Variants in MIA3 observed in about 807,000 individuals in gnomAD.
MIA3 encodes transport and Golgi organization protein 1 homolog.
Under a neutral mutation model 192.4 loss-of-function variants are expected in MIA3, and 90 were observed. The observed-to-expected ratio is 0.47, with a 90% CI of 0.39 to 0.56. The LOEUF (loss-of-function observed/expected upper bound fraction) is 0.56. Ranked by LOEUF, MIA3 falls within the 20% of genes least tolerant of loss-of-function variation. MIA3 has a pLI of 0.00. For missense variants in MIA3, 2,123 were observed against 2,269.4 expected, an observed-to-expected ratio of 0.94 and a Z score of 1.31; for synonymous variants, 740 against 792.8, an observed-to-expected ratio of 0.93 and a Z score of 1.12.
intron 4 of MIA3, among the ~76,000 whole-genome samples, 159 bp downstream of exon 4, chr1:222,630,548 T>G (rs2124849406): frequency 6.6e-6 from 1 of 152,354 alleles, no homozygotes; most frequent in African/African-American, 2.4e-5. Context: ...ATCTTTCTTT[T>G]AGGCTGGAGC....
chr1:222,660,020 C>T lies in MIA3; in HGVS notation c.4975+14C>T, dbSNP rs139761529. ...CTCCACGGAGAGGTAAGGGAGCTAC[C>T]TTGTAAAGGGCAACAATCTGTTTTT... On this transcript the variant is annotated intron_variant, in intron 23 of 27. Coordinates refer to ENST00000344922, the MANE Select transcript of MIA3 (RefSeq NM_198551.4). 1 of 1,602,262 alleles carries T rather than the reference C, an allele frequency of 6.2e-7. No homozygotes were observed. The highest frequency in any genetic ancestry group is 2.2e-5 in the East Asian group (1 of 44,722).
chr1:222,663,958 A>C, intron 26 of MIA3, 40 bp from the exon 27 acceptor site: 1 of 1,571,914 alleles, frequency 6.4e-7, no homozygotes, highest in Non-Finnish European at 8.7e-7. Flanking sequence ...TGTCTGTCAT[A>C]CCATAGTATT....
intron 18 of MIA3, among the ~76,000 whole-genome samples, chr1:222,656,070 T>C (rs992403139): frequency 2.7e-5 from 4 of 145,854 alleles, no homozygotes; most frequent in Admixed American, 1.4e-4. Flanking sequence ...CCCAGGTTCA[T>C]GCCATTCTCC....
chr1:222,634,275 C>T (rs989887271), intron 6 of MIA3, among the ~76,000 whole-genome samples: 4 of 151,838 alleles, frequency 2.6e-5, no homozygotes, highest in Non-Finnish European at 4.4e-5. Flanking sequence ...TAGCTGAGAT[C>T]GTGCCACTGC....
rs751706161 is a variant in MIA3 at position 222,659,831 on chromosome 1, G to A, written c.4874+30G>A. The A allele has an allele frequency of 3.2e-5, 51 of 1,611,290 alleles. No individual in the cohort carries two copies. The East Asian group carries it at 1.1e-3, about 35-fold the overall frequency. On this transcript the variant is annotated intron_variant, in intron 22 of 27. Coordinates refer to ENST00000344922, the MANE Select transcript of MIA3 (RefSeq NM_198551.4). ...GTGGATTTTGATGGCTATATTTTCA[G>A]CGCGTGTTCTCTTAAGGAATTGGTT...
At position 222,650,380 on chromosome 1, in the gene MIA3, G is replaced by T; in HGVS notation, c.3720G>T (p.Lys1240Asn). 1 of 1,497,104 alleles carries T rather than the reference G, an allele frequency of 6.7e-7. No homozygotes were observed. Among genetic ancestry groups the T allele is most frequent in the Non-Finnish European group, 9.2e-7 (1 of 1,085,212 alleles). The allele number at this position is 1,497,104 out of a possible 1,614,324, so 92.7% of individuals were successfully genotyped here. The stretch of plus-strand genomic sequence containing the variant: ...AAAAATTGTCAAATTATGAACAGAA[G>T]GTATGATTATTCTTTGTTTTTTTTT... ...LVQKLSNYEQ[K>N]IKESKKHVQE... The change falls in exon 9 of 28, where the codon AAG (lysine) becomes AAT (asparagine). Residue 1240 changes from lysine to asparagine, a missense_variant and splice_region_variant. Transcript: ENST00000344922.
At chr1:222,621,813 G>GTT (rs35055360) in intron 2 of MIA3, among the ~76,000 whole-genome samples, 76,612 of 139,842 alleles carry the variant, frequency 0.55, 24,147 homozygotes, top group Non-Finnish European at 0.7. Context: ...TTGTTTGTTT[G>GTT]TTTTTTTTTT....
chr1:222,649,903 C>G (rs1021364648), intron 8 of MIA3: 1 of 217,124 alleles, frequency 4.6e-6, no homozygotes, highest in Non-Finnish European at 9.3e-6. Flanking sequence ...GAAGGCAAAG[C>G]GAGAGCAGGC....
chr1:222,639,171 A>G (rs1662752507), intron 6 of MIA3, among the ~76,000 whole-genome samples: 1 of 152,212 alleles, frequency 6.6e-6, no homozygotes, highest in Non-Finnish European at 1.5e-5. Flanking sequence ...AATTCTATCT[A>G]AGACACAGAC....
At chr1:222,661,665 A>G (rs1016599284) in intron 24 of MIA3, among the ~76,000 whole-genome samples, 1 of 152,202 alleles carries the variant, frequency 6.6e-6, no homozygotes, top group African/African-American at 2.4e-5. Flanking sequence ...TGCGGCATAC[A>G]TGTTTCCACT....
chr1:222,655,349 C>T (rs1663662885), intron 18 of MIA3, among the ~76,000 whole-genome samples: 1 of 152,148 alleles, frequency 6.6e-6, no homozygotes, highest in Non-Finnish European at 1.5e-5. Flanking sequence ...AAATACATAT[C>T]TCAAATTTCG....
At chr1:222,651,719 T>C (rs1392207011) in intron 11 of MIA3, among the ~76,000 whole-genome samples, 1 of 152,216 alleles carries the variant, frequency 6.6e-6, no homozygotes, top group Non-Finnish European at 1.5e-5. Context: ...TTTCACCTTT[T>C]AGTCTGGTCA....
In MIA3 at chr1:222,624,760, T is replaced by C. The variant is rs746885908; in HGVS notation, c.268-8T>C. 2.5e-5 allele frequency: 35 copies of C among 1,423,230 alleles called. No individual in the cohort carries two copies. Among genetic ancestry groups the C allele is most frequent in the Non-Finnish European group, 3.4e-5 (34 of 1,009,208 alleles). 88.2% of individuals were successfully genotyped at this position (1,423,230 alleles called of 1,614,324 possible). On this transcript the variant is annotated splice_polypyrimidine_tract_variant and splice_region_variant and intron_variant, in intron 2 of 27. Transcript: ENST00000344922. ...ATATGTGTCCCTTTTGCCCATTCTT[T>C]TGTGTAGGTTGGACGCACTTTTGGA...
At chr1:222,635,929 A>G (rs1235689065) in intron 6 of MIA3, among the ~76,000 whole-genome samples, 2 of 152,070 alleles carry the variant, frequency 1.3e-5, no homozygotes, top group African/African-American at 4.8e-5. Context: ...CTGACTCCAA[A>G]TTTTCCTCCA....
chr1:222,623,301 C>G (rs1221302131), intron 2 of MIA3, among the ~76,000 whole-genome samples: 1 of 146,736 alleles, frequency 6.8e-6, no homozygotes, highest in Non-Finnish European at 1.5e-5. Context: ...TTGGTCAAAT[C>G]ATAAGAAATG....
intron 13 of MIA3, 52 bp from the exon 14 acceptor site, chr1:222,652,953 ATGT>A: frequency 1.3e-6 from 2 of 1,570,634 alleles, no homozygotes; most frequent in South Asian, 2.4e-5. Context: ...TGTGGTCCTA[ATGT>A]CTCCAGTGCA....
In MIA3 at chr1:222,665,629, C is replaced by G; in HGVS notation, c.*10C>G. On this transcript the variant is annotated 3_prime_UTR_variant, in exon 28 of 28. Coordinates refer to ENST00000344922, the MANE Select transcript of MIA3 (RefSeq NM_198551.4). ...AAAACAGAGCCCATAAAACTATGAC[C>G]TCTGAGGTTTCATTGGAAAGAAAGT... 6.4e-7 allele frequency: 1 copy of G among 1,553,280 alleles called. No homozygotes were observed. Among genetic ancestry groups the G allele is most frequent in the African/African-American group, 1.4e-5 (1 of 72,372 alleles).
At position 222,621,205 on chromosome 1, in the gene MIA3, T is replaced by C; in HGVS notation, c.180T>C (p.Asp60=). 1 of 1,613,860 alleles carries C rather than the reference T, an allele frequency of 6.2e-7. No homozygotes were observed. The highest frequency in any genetic ancestry group is 1.1e-5 in the South Asian group (1 of 91,064). Residue 60 remains aspartate (D), a synonymous_variant, in exon 2 of 28, where the codon GAT becomes GAC. Transcript: ENST00000344922. The part of the protein sequence containing the change: ...GEALEDFTGP[D]CRFVNFKKGD... The stretch of plus-strand genomic sequence containing the variant: ...CTCTTGAAGATTTCACAGGCCCGGA[T>C]TGTCGTTTTGTGAATTTTAAAAAAG...
At chr1:222,623,155 G>A (rs1258710095) in intron 2 of MIA3, among the ~76,000 whole-genome samples, 2 of 152,066 alleles carry the variant, frequency 1.3e-5, no homozygotes, top group African/African-American at 2.4e-5. Context: ...CTCTTAAGGC[G>A]ATACTCTACT....
Sources: gnomAD v4.1 joint callset for allele counts (sites outside exome capture counted in the v4.1 genomes callset) on GRCh38, gnomAD v4.1.1 for gene constraint, MANE v1.5 for transcripts, NCBI Gene and HGNC (gene_info 2026-07-23, HGNC 2026-07-21) for gene names.